The following GFI1 variants were observed in gnomAD, a reference collection of about 807,000 sequenced individuals.
GFI1 encodes zinc finger protein Gfi-1.
In GFI1, 15 loss-of-function variants were observed where a neutral mutation model predicts 39.2. That is an observed-to-expected ratio of 0.38 (90% CI 0.26 to 0.59). The LOEUF is 0.59. GFI1 is among the 20% of genes least tolerant of loss of function. The probability of loss-of-function intolerance (pLI) is 0.62; values close to 1 mark genes in which losing one functional copy is unlikely to be tolerated. For synonymous variants in GFI1, 239 were observed against 254.3 expected (o/e 0.94, Z 0.57); for missense variants, 475 against 574.0 (o/e 0.83, Z 1.76).
intron 1 of GFI1, among the ~76,000 whole-genome samples, chr1:92,486,501 G>A (rs1243332115): frequency 9.1e-6 from 1 of 110,056 alleles, no homozygotes; most frequent in African/African-American, 3.6e-5. Flanking sequence ...GACCCTCCCC[G>A]CCCCTCAGGC....
rs1363929613 is a variant in GFI1, at chr1:92,473,303, G to T, written c.*2726C>A. Among the ~76,000 whole-genome samples the T allele has an allele frequency of 6.6e-6, 1 of 152,026 alleles. No individual in the cohort carries two copies. Among genetic ancestry groups the T allele is most frequent in the Non-Finnish European group, 1.5e-5 (1 of 68,008 alleles). On this transcript the variant is annotated 3_prime_UTR_variant, in exon 7 of 7. Transcript: ENST00000294702. ...ATAAGGGAAGAGCAGGACAGCACAG[G>T]CACCTAGATTTCAATCAGTTCTACT... is the stretch of plus-strand genomic sequence containing the variant.
Position 92,480,891 on chromosome 1 carries a change from C to T in GFI1, c.496G>A (p.Ala166Thr). 1 of 1,539,640 alleles carries T rather than the reference C, an allele frequency of 6.5e-7. No individual in the cohort carries two copies. Among genetic ancestry groups the T allele is most frequent in the Non-Finnish European group, 8.8e-7 (1 of 1,141,758 alleles). ...EPAPEPGHPA[A>T]LYGPKRAAGG... ...GCAGCCCGCTTCGGGCCGTACAGCGCGGCCGGGTGGCCAGGCTCCGGGGCG... is the reference window on the plus strand; with the variant it reads ...GCAGCCCGCTTCGGGCCGTACAGCGTGGCCGGGTGGCCAGGCTCCGGGGCG... Residue 166 changes from alanine (A) to threonine (T), a missense_variant, in exon 4 of 7, where the codon GCG becomes ACG. By Grantham distance (58) the Ala-to-Thr change is moderately conservative (BLOSUM62 0). Coordinates refer to ENST00000294702, the MANE Select transcript of GFI1 (RefSeq NM_005263.5). This position sits in a 1 kb window ranked among gnomAD's most constrained non-coding sequence, Gnocchi z 5.6.
rs1457253082 is a variant in GFI1 at position 92,481,183 on chromosome 1, C to T, written c.299-95G>A. Reference sequence around the variant, plus strand: ...GCGAGCGTGGCGTGTTCGCGGACTGCGGGGCACCCAGCGCTTGTAGAACAC... The same window carrying T: ...GCGAGCGTGGCGTGTTCGCGGACTGTGGGGCACCCAGCGCTTGTAGAACAC... On this transcript the variant is annotated intron_variant, in intron 3 of 6. Transcript: ENST00000294702. This position sits in a 1 kb window ranked among gnomAD's most constrained non-coding sequence, Gnocchi z 4.3. The T allele has an allele frequency of 4.5e-6, 5 of 1,099,146 alleles. No individual in the cohort carries two copies. Among genetic ancestry groups the T allele is most frequent in the Admixed American group, 4.0e-5 (2 of 50,558 alleles). The allele number at this position is 1,099,146 out of a possible 1,614,324, so 68.1% of individuals were successfully genotyped here.
chr1:92,473,177 CAAA>C lies in GFI1; in HGVS notation c.*2849_*2851del, dbSNP rs55814509. The stretch of plus-strand genomic sequence containing the variant: ...GGGGATATCAAGATACATTTTTTAC[CAAA>C]AAAAAAAAAAAAAGGCATACAGTTA... On this transcript the variant is annotated 3_prime_UTR_variant, in exon 7 of 7. Transcript: ENST00000294702. Among the ~76,000 whole-genome samples the C allele has an allele frequency of 3.7e-5, 4 of 108,952 alleles. No homozygotes were observed. The highest frequency in any genetic ancestry group is 3.9e-5 in the Non-Finnish European group (2 of 51,012). 71.5% of individuals were successfully genotyped at this position (108,952 alleles called of 152,430 possible).
At chr1:92,483,338 G>C (rs751611941) in intron 2 of GFI1, 35 bp downstream of exon 2, 1 of 1,212,960 alleles carries the variant, frequency 8.2e-7, no homozygotes, top group East Asian at 2.4e-5. Flanking sequence ...GGCATCCGGG[G>C]GAGCAGCCCC....
At position 92,480,674 on chromosome 1, in the gene GFI1, T is replaced by C. The variant is rs757156744; in HGVS notation, c.713A>G (p.Lys238Arg). 13 of 1,596,270 alleles carry C rather than the reference T, an allele frequency of 8.1e-6. No homozygotes were observed. The Admixed American group carries it at 1.8e-4, about 23-fold the overall frequency. ...GLHADKGAGV[K>R]VESELLCTRL... ...GGTGCACAGCAGCTCCGACTCCACC[T>C]TGACGCCAGCGCCCTTGTCTGCGTG... is the stretch of plus-strand genomic sequence containing the variant. Residue 238 changes from lysine (K) to arginine (R), a missense_variant, in exon 4 of 7, where the codon AAG becomes AGG. Lys to Arg is a conservative substitution (Grantham distance 26, BLOSUM62 2). Around this residue, in one of 4 missense-constraint regions of GFI1, gnomAD observed 79 missense variants for 68.4 expected, o/e 1.15. Coordinates refer to ENST00000294702, the MANE Select transcript of GFI1 (RefSeq NM_005263.5). This position sits in a 1 kb window ranked among gnomAD's most constrained non-coding sequence, Gnocchi z 5.6.
rs969301386 is a variant in GFI1, at chr1:92,475,686, G to A, written c.*343C>T. The A allele has an allele frequency of 8.5e-6, 3 of 355,000 alleles. No individual in the cohort carries two copies. Among genetic ancestry groups the A allele is most frequent in the South Asian group, 5.3e-5 (2 of 37,650 alleles). The allele number at this position is 355,000 out of a possible 1,614,324, so 22.0% of individuals were successfully genotyped here. On this transcript the variant is annotated 3_prime_UTR_variant, in exon 7 of 7. Transcript: ENST00000294702. Reference sequence around the variant, plus strand: ...AGAAACCTGAAGGGCATTCCTGTCTGTAGATTAGGGCTGGAAATGGGAAGG... The same window carrying A: ...AGAAACCTGAAGGGCATTCCTGTCTATAGATTAGGGCTGGAAATGGGAAGG...
At position 92,480,124 on chromosome 1, in the gene GFI1, G is replaced by A. The variant is rs930137537; in HGVS notation, c.924+224C>T. Among the ~76,000 whole-genome samples, 4 of 152,196 alleles carry A rather than the reference G, an allele frequency of 2.6e-5. No homozygotes were observed. Among genetic ancestry groups the A allele is most frequent in the African/African-American group, 7.2e-5 (3 of 41,444 alleles). ...GGATCACACTCTCGAGGCTCACAGT[G>A]GTGTGACACCAAAATCCAGGGCTGC... On this transcript the variant is annotated intron_variant, in intron 5 of 6. Transcript: ENST00000294702. This position sits in a 1 kb window ranked among gnomAD's most constrained non-coding sequence, Gnocchi z 5.6.
chr1:92,480,861 C>A lies in GFI1; in HGVS notation c.526G>T (p.Gly176Cys). 1 of 1,458,686 alleles carries A rather than the reference C, an allele frequency of 6.9e-7. No individual in the cohort carries two copies. The highest frequency in any genetic ancestry group is 9.0e-7 in the Non-Finnish European group (1 of 1,110,948). The allele number at this position is 1,458,686 out of a possible 1,614,324, so 90.4% of individuals were successfully genotyped here. Reference sequence around the variant, plus strand: ...CTCCCTGGCGCCCCGGCCCCCGCGCCGCCGGCAGCCCGCTTCGGGCCGTAC... The same window carrying A: ...CTCCCTGGCGCCCCGGCCCCCGCGCAGCCGGCAGCCCGCTTCGGGCCGTAC... The part of the protein sequence containing the change: ...ALYGPKRAAG[G>C]AGAGAPGSCS... Residue 176 changes from glycine (G) to cysteine (C), a missense_variant, in exon 4 of 7, where the codon GGC becomes TGC. Transcript: ENST00000294702. The surrounding 1 kb of genome is among the most constrained non-coding windows in gnomAD (Gnocchi z 5.6).
At chr1:92,485,628 G>C (rs541804002) in intron 1 of GFI1, among the ~76,000 whole-genome samples, 1 of 152,294 alleles carries the variant, frequency 6.6e-6, no homozygotes, top group South Asian at 2.1e-4. Context: ...CAGCTGGCGC[G>C]GGAGGTGGGG....
At position 92,480,290 on chromosome 1, in the gene GFI1, G is replaced by A. The variant is rs1273386558; in HGVS notation, c.924+58C>T. 4.6e-6 allele frequency: 7 copies of A among 1,513,748 alleles called. No individual in the cohort carries two copies. The highest frequency in any genetic ancestry group is 2.4e-5 in the South Asian group (2 of 83,412). 93.8% of individuals were successfully genotyped at this position (1,513,748 alleles called of 1,614,324 possible). ...GGCAGAGAGTGGCTGGTGCTGCACCGAGGAGATGCAGAAGATCCCCGAGCA... is the reference window on the plus strand; with the variant it reads ...GGCAGAGAGTGGCTGGTGCTGCACCAAGGAGATGCAGAAGATCCCCGAGCA... On this transcript the variant is annotated intron_variant, in intron 5 of 6. Coordinates refer to ENST00000294702, the MANE Select transcript of GFI1 (RefSeq NM_005263.5). This position sits in a 1 kb window ranked among gnomAD's most constrained non-coding sequence, Gnocchi z 5.6.
Position 92,480,283 on chromosome 1 carries a change from C to G in GFI1, c.924+65G>C. On this transcript the variant is annotated intron_variant, in intron 5 of 6. Transcript: ENST00000294702. The surrounding 1 kb of genome is among the most constrained non-coding windows in gnomAD (Gnocchi z 5.6). The stretch of plus-strand genomic sequence containing the variant: ...ACTTCCAGGCAGAGAGTGGCTGGTG[C>G]TGCACCGAGGAGATGCAGAAGATCC... The G allele has an allele frequency of 1.3e-6, 2 of 1,509,514 alleles. No homozygotes were observed. The allele number at this position is 1,509,514 out of a possible 1,614,324, so 93.5% of individuals were successfully genotyped here.
chr1:92,477,852 G>A (rs1026629124), intron 6 of GFI1, among the ~76,000 whole-genome samples: 1 of 152,208 alleles, frequency 6.6e-6, no homozygotes, highest in African/African-American at 2.4e-5. Flanking sequence ...GTGAACAGAA[G>A]CTTTCTGTCT....
chr1:92,475,667 C>T lies in GFI1; in HGVS notation c.*362G>A, dbSNP rs1657923928. 1 of 308,378 alleles carries T rather than the reference C, an allele frequency of 3.2e-6. No homozygotes were observed. Among genetic ancestry groups the T allele is most frequent in the South Asian group, 3.4e-5 (1 of 29,464 alleles). The allele number at this position is 308,378 out of a possible 1,614,324, so 19.1% of individuals were successfully genotyped here. On this transcript the variant is annotated 3_prime_UTR_variant, in exon 7 of 7. Coordinates refer to ENST00000294702, the MANE Select transcript of GFI1 (RefSeq NM_005263.5). Reference sequence around the variant, plus strand: ...GGTCAAGAGGGGGGAGGGAAGAAACCTGAAGGGCATTCCTGTCTGTAGATT... The same window carrying T: ...GGTCAAGAGGGGGGAGGGAAGAAACTTGAAGGGCATTCCTGTCTGTAGATT...
chr1:92,476,083 G>A lies in GFI1; in HGVS notation c.1215C>T (p.Phe405=). ...PFGCDLCGKG[F]QRKVDLRRHR... ...GCCTTCGGAGGTCCACCTTCCTCTG[G>A]AAACCCTTCCCACAGAGGTCGCAGC... The change falls in exon 7 of 7, where the codon TTC becomes TTT. Residue 405 remains phenylalanine (F), a synonymous_variant. Coordinates refer to ENST00000294702, the MANE Select transcript of GFI1 (RefSeq NM_005263.5). 6.2e-7 allele frequency: 1 copy of A among 1,614,128 alleles called. No homozygotes were observed. Among genetic ancestry groups the A allele is most frequent in the Non-Finnish European group, 8.5e-7 (1 of 1,180,014 alleles).
rs1658420168 is a variant in GFI1 at position 92,484,109 on chromosome 1, C to T, written c.-99-523G>A. ...CAGCTACCAACTGGAGTGAAAGGAC[C>T]GGGGGGAGGGGGGAACAGAACACAA... On this transcript the variant is annotated intron_variant, in intron 1 of 6. Transcript: ENST00000294702. The surrounding 1 kb of genome is among the most constrained non-coding windows in gnomAD (Gnocchi z 4.1). 2.7e-5 allele frequency among the ~76,000 whole-genome samples: 4 copies of T among 150,260 alleles called. No homozygotes were observed.
chr1:92,483,768 C>T (rs563717758), intron 1 of GFI1, 182 bp from the exon 2 acceptor site: 16 of 470,472 alleles, frequency 3.4e-5, no homozygotes, highest in South Asian at 3.1e-4. Flanking sequence ...GCGAACCCGC[C>T]GTCGTTGCCG....
In GFI1 at chr1:92,480,831, T is replaced by G. The variant is rs781749984; in HGVS notation, c.556A>C (p.Ser186Arg). The change falls in exon 4 of 7, where the codon AGC becomes CGC. Residue 186 changes from serine (S) to arginine (R), a missense_variant. By Grantham distance (110) the Ser-to-Arg change is moderately radical. Around this residue, in one of 4 missense-constraint regions of GFI1, gnomAD observed 275 missense variants for 275.8 expected, o/e 1.00. Coordinates refer to ENST00000294702, the MANE Select transcript of GFI1 (RefSeq NM_005263.5). The surrounding 1 kb of genome is among the most constrained non-coding windows in gnomAD (Gnocchi z 5.6). The part of the protein sequence containing the change: ...GAGAGAPGSC[S>R]AGAGATAGPG... ...CCAGCGGTGGCACCGGCCCCTGCGCTGCAGCTCCCTGGCGCCCCGGCCCCC... is the reference window on the plus strand; with the variant it reads ...CCAGCGGTGGCACCGGCCCCTGCGCGGCAGCTCCCTGGCGCCCCGGCCCCC... The G allele has an allele frequency of 4.6e-6, 7 of 1,534,354 alleles. No homozygotes were observed. Among genetic ancestry groups the G allele is most frequent in the Non-Finnish European group, 6.1e-6 (7 of 1,142,690 alleles).
rs770037854 is a variant in GFI1 at position 92,473,054 on chromosome 1, T to C, written c.*2975A>G. On this transcript the variant is annotated 3_prime_UTR_variant, in exon 7 of 7. Transcript: ENST00000294702. ...AATGTGACATGGAATATTCACAATCTATTTTTAATGGAGTCAAGTAATAAC... is the reference window on the plus strand; with the variant it reads ...AATGTGACATGGAATATTCACAATCCATTTTTAATGGAGTCAAGTAATAAC... Among the ~76,000 whole-genome samples, 18 of 152,314 alleles carry C rather than the reference T, an allele frequency of 1.2e-4. No homozygotes were observed. Among genetic ancestry groups the C allele is most frequent in the Admixed American group, 3.3e-4 (5 of 15,304 alleles).
Sources: gnomAD v4.1 joint callset for allele counts (sites outside exome capture counted in the v4.1 genomes callset) on GRCh38, gnomAD v4.1.1 for gene constraint, gnomAD v4.1.1 regional missense constraint, Gnocchi (gnomAD v3.1) non-coding constraint, MANE v1.5 for transcripts, NCBI Gene and HGNC (gene_info 2026-07-23, HGNC 2026-07-21) for gene names.